Variants in GPM6A observed in about 807,000 individuals in gnomAD.
The protein encoded by GPM6A is neuronal membrane glycoprotein M6-a.
In GPM6A, 7 loss-of-function variants were observed where a neutral mutation model predicts 32.1. The ratio of observed to expected loss-of-function variants is 0.22; its 90% CI spans 0.12 to 0.41. The LOEUF (loss-of-function observed/expected upper bound fraction) is 0.41, where lower values mean the gene tolerates loss of function less well. Ranked by LOEUF, GPM6A falls within the 10% of genes least tolerant of loss-of-function variation. The pLI is 1.00. For missense variants in GPM6A, 235 were observed against 347.2 expected (o/e 0.68, Z 2.57); for synonymous variants, 130 against 123.4 (o/e 1.05, Z -0.35).
intron 2 of GPM6A, among the ~76,000 whole-genome samples, chr4:175,677,580 T>C (rs549062697): frequency 2.0e-5 from 3 of 152,290 alleles, no homozygotes; most frequent in Middle Eastern, 3.4e-3. Context: ...AAAAAAGTGC[T>C]TTCAATAATT....
In GPM6A at chr4:175,818,926, G is replaced by A. The variant is rs1296490350; in HGVS notation, c.-22-6677C>T. Among the ~76,000 whole-genome samples, 6 of 152,202 alleles carry A rather than the reference G, an allele frequency of 3.9e-5. No homozygotes were observed. In the East Asian group the frequency reaches 9.7e-4, roughly 25 times the overall value. ...TCATAAATGCTGATTACAGTAAGGG[G>A]AGACAGAAAAATTCAAGGGTGACAC... On this transcript the variant is annotated intron_variant, in intron 1 of 7. Transcript: ENST00000280187.
intron 1 of GPM6A, among the ~76,000 whole-genome samples, chr4:175,755,738 G>A (rs181791972): frequency 3.0e-4 from 45 of 152,274 alleles, no homozygotes; most frequent in Middle Eastern, 3.4e-3. Flanking sequence ...TGTGTTGTAG[G>A]TAATTATGTA....
At chr4:175,637,535 A>G (rs1365031467) in intron 6 of GPM6A, among the ~76,000 whole-genome samples, 2 of 101,444 alleles carry the variant, frequency 2.0e-5, no homozygotes, top group African/African-American at 3.8e-5. Flanking sequence ...ATATAAAAAT[A>G]TACAATATAT....
At chr4:175,914,319 GT>G (rs1738417492) in intron 1 of GPM6A, among the ~76,000 whole-genome samples, 2 of 151,998 alleles carry the variant, frequency 1.3e-5, no homozygotes, top group South Asian at 4.2e-4. Flanking sequence ...TCAGCATTTT[GT>G]TTTGTTTTGT....
At chr4:175,893,860 G>A (rs1737716804) in intron 1 of GPM6A, among the ~76,000 whole-genome samples, 1 of 152,094 alleles carries the variant, frequency 6.6e-6, no homozygotes, top group Admixed American at 6.6e-5. Flanking sequence ...TGTAGGACAT[G>A]AAGGTGCTAA....
intron 1 of GPM6A, among the ~76,000 whole-genome samples, chr4:176,000,110 C>T (rs772343132): frequency 4.6e-5 from 7 of 152,172 alleles, no homozygotes; most frequent in Non-Finnish European, 8.8e-5. Context: ...CAGGCCTGCT[C>T]TTTTCTCTAT....
intron 1 of GPM6A, among the ~76,000 whole-genome samples, chr4:175,763,742 T>TTA (rs1560920245): frequency 6.6e-6 from 1 of 152,074 alleles, no homozygotes; most frequent in East Asian, 1.9e-4. Flanking sequence ...CAGGCTTTTT[T>TTA]AAAAAAACAG....
chr4:175,659,061 A>T (rs1203887387), intron 3 of GPM6A, among the ~76,000 whole-genome samples: 1 of 151,718 alleles, frequency 6.6e-6, no homozygotes, highest in African/African-American at 2.4e-5. Context: ...GTCATATGAG[A>T]TAAATTGTTT....
chr4:175,968,714 TA>T (rs1190075012), intron 1 of GPM6A, among the ~76,000 whole-genome samples: 1 of 152,038 alleles, frequency 6.6e-6, no homozygotes, highest in Admixed American at 6.5e-5. Context: ...AACTGAAGGA[TA>T]AAAGAATAAG....
At chr4:175,709,716 A>G (rs1196497913) in intron 1 of GPM6A, among the ~76,000 whole-genome samples, 3 of 147,640 alleles carry the variant, frequency 2.0e-5, no homozygotes, top group African/African-American at 7.5e-5. Context: ...TGACAGAGCA[A>G]GACTCCATCT....
intron 1 of GPM6A, among the ~76,000 whole-genome samples, chr4:175,709,393 G>T (rs1218588059): frequency 6.7e-6 from 1 of 150,366 alleles, no homozygotes; most frequent in Admixed American, 6.7e-5. Context: ...TTCTTAAAGA[G>T]CATTGGCCAG....
intron 1 of GPM6A, among the ~76,000 whole-genome samples, chr4:175,857,555 C>A (rs1736452229): frequency 6.6e-6 from 1 of 151,878 alleles, no homozygotes; most frequent in Non-Finnish European, 1.5e-5. Context: ...ATTAAAATAG[C>A]AAAATGACAG....
At chr4:175,972,202 C>T (rs1411660103) in intron 1 of GPM6A, among the ~76,000 whole-genome samples, 1 of 152,004 alleles carries the variant, frequency 6.6e-6, no homozygotes, top group African/African-American at 2.4e-5. Context: ...AAGTCAGCTA[C>T]TAAAAGCAAT....
At chr4:175,657,598 T>G (rs1338034924) in intron 3 of GPM6A, among the ~76,000 whole-genome samples, 3 of 152,116 alleles carry the variant, frequency 2.0e-5, no homozygotes, top group African/African-American at 4.8e-5. Flanking sequence ...CACCTACTAA[T>G]GTCAATAAAA....
intron 1 of GPM6A, among the ~76,000 whole-genome samples, chr4:175,901,478 T>C (rs1026812536): frequency 1.3e-5 from 2 of 151,904 alleles, no homozygotes; most frequent in Admixed American, 1.3e-4. Context: ...GAGATAGGAT[T>C]ATAACATTAG....
At chr4:175,956,657 G>T (rs1209645406) in intron 1 of GPM6A, among the ~76,000 whole-genome samples, 4 of 152,088 alleles carry the variant, frequency 2.6e-5, no homozygotes, top group African/African-American at 9.7e-5. Flanking sequence ...AATTGATTCA[G>T]CTCAATTGGA....
At chr4:175,969,444 C>G (rs556081077) in intron 1 of GPM6A, among the ~76,000 whole-genome samples, 6 of 152,260 alleles carry the variant, frequency 3.9e-5, no homozygotes, top group Admixed American at 2.0e-4. Context: ...CAAGGTGGCT[C>G]ATGCCTGTAA....
chr4:175,894,648 CA>C (rs1737743439), intron 1 of GPM6A, among the ~76,000 whole-genome samples: 3 of 152,074 alleles, frequency 2.0e-5, no homozygotes, highest in African/African-American at 4.8e-5. Flanking sequence ...AACAAGAATA[CA>C]AGGATTTTAA....
At chr4:175,910,505 C>T (rs1738281146) in intron 1 of GPM6A, among the ~76,000 whole-genome samples, 1 of 151,978 alleles carries the variant, frequency 6.6e-6, no homozygotes, top group African/African-American at 2.4e-5. Flanking sequence ...AGAAAGGGGC[C>T]CAACAAGCAC....
Sources: allele counts gnomAD v4.1 joint callset (sites outside exome capture counted in the v4.1 genomes callset), GRCh38; gene constraint gnomAD v4.1.1; transcripts MANE v1.5; gene names NCBI Gene and HGNC (gene_info 2026-07-23, HGNC 2026-07-21).